Variants in DIP2C observed in about 807,000 individuals in gnomAD.
The protein encoded by DIP2C is DIP2 acetate--CoA ligase C (putative), also known as disco-interacting protein 2 homolog C.
A neutral mutation model predicts 192.4 loss-of-function variants in DIP2C; 33 were observed. The ratio of observed to expected loss-of-function variants is 0.17; its 90% CI spans 0.13 to 0.23. The LOEUF is 0.23. Among genes scored for constraint, DIP2C ranks in the 10% least tolerant of loss-of-function variants. DIP2C has a pLI of 1.00. For missense variants in DIP2C, 1,537 were observed against 2,110.1 expected (o/e 0.73, Z 5.32); for synonymous variants, 979 against 864.1 (o/e 1.13, Z -2.33).
intron 32 of DIP2C, among the ~76,000 whole-genome samples, chr10:290,232 G>A (rs1452928605): frequency 2.0e-5 from 3 of 152,210 alleles, no homozygotes. Context: ...AACAGCTGAT[G>A]AGGGCTGCCA....
At chr10:475,589 C>T (rs1970994292) in intron 2 of DIP2C, among the ~76,000 whole-genome samples, 1 of 152,164 alleles carries the variant, frequency 6.6e-6, no homozygotes. Flanking sequence ...GCTACTTTTG[C>T]ATACCATCCT....
chr10:585,888 C>T (rs1427997030), intron 1 of DIP2C, among the ~76,000 whole-genome samples: 2 of 152,150 alleles, frequency 1.3e-5, no homozygotes, highest in Non-Finnish European at 2.9e-5. Context: ...CATTTAATCA[C>T]CATATTAGAG....
At chr10:541,698 G>T (rs1194858985) in intron 1 of DIP2C, among the ~76,000 whole-genome samples, 1 of 126,092 alleles carries the variant, frequency 7.9e-6, no homozygotes, top group Non-Finnish European at 1.6e-5. Flanking sequence ...CCCTCCACCT[G>T]ACCACCCCCA....
Position 277,062 on chromosome 10 carries a change from GAA to G in DIP2C, c.*261_*262del, listed in dbSNP as rs1449618858. ...TAATTAAAAAAGAAAGAAAAGAAAAGAAAGTTTTGAAATGGGCTTTTCCAACA... is the reference window on the plus strand; with the variant it reads ...TAATTAAAAAAGAAAGAAAAGAAAAGAGTTTTGAAATGGGCTTTTCCAACA... On this transcript the variant is annotated 3_prime_UTR_variant, in exon 37 of 37. Transcript: ENST00000280886. 2.7e-5 allele frequency: 7 copies of G among 254,692 alleles called. No homozygotes were observed. The highest frequency in any genetic ancestry group is 4.4e-5 in the Non-Finnish European group (7 of 160,286). 15.8% of individuals were successfully genotyped at this position (254,692 alleles called of 1,614,324 possible). A position where few individuals can be genotyped will look rare whatever the true frequency, so the allele number is the denominator to read the frequency against.
chr10:391,219 G>A (rs767276510), intron 10 of DIP2C, among the ~76,000 whole-genome samples: 3 of 152,212 alleles, frequency 2.0e-5, no homozygotes, highest in African/African-American at 4.8e-5. Flanking sequence ...TGCAATTACT[G>A]TAGAGAATAG....
chr10:341,453 C>T (rs1168344660), intron 28 of DIP2C, 124 bp from the exon 29 acceptor site: 86 of 1,371,898 alleles, frequency 6.3e-5, no homozygotes, highest in Non-Finnish European at 7.2e-5. Flanking sequence ...CTCAGACACC[C>T]GGGACAATAC....
At chr10:465,878 G>A (rs948808201) in intron 3 of DIP2C, among the ~76,000 whole-genome samples, 11 of 151,494 alleles carry the variant, frequency 7.3e-5, no homozygotes, top group Non-Finnish European at 1.6e-4. Flanking sequence ...ACTGCTCAAG[G>A]AAATAAAAGA....
At chr10:614,370 C>A (rs1853301549) in intron 1 of DIP2C, among the ~76,000 whole-genome samples, 1 of 152,262 alleles carries the variant, frequency 6.6e-6, no homozygotes, top group African/African-American at 2.4e-5. Flanking sequence ...CCTGGACATG[C>A]ACCTCTTTGT....
At chr10:438,435 CAT>C (rs1967450373) in intron 4 of DIP2C, among the ~76,000 whole-genome samples, 2 of 152,128 alleles carry the variant, frequency 1.3e-5, no homozygotes, top group South Asian at 2.1e-4. Flanking sequence ...ATACAAATAA[CAT>C]TTTTTTACCA....
At chr10:649,954 T>C in intron 1 of DIP2C, 3 of 613,932 alleles carry the variant, frequency 4.9e-6, no homozygotes, top group East Asian at 2.7e-5. Context: ...CATTAACACA[T>C]CAAAACGGAA....
At chr10:334,876 C>T (rs1044407220) in intron 29 of DIP2C, among the ~76,000 whole-genome samples, 1 of 152,076 alleles carries the variant, frequency 6.6e-6, no homozygotes, top group African/African-American at 2.4e-5. Flanking sequence ...CTGAATTCTC[C>T]AATTTTGTTA....
intron 1 of DIP2C, among the ~76,000 whole-genome samples, chr10:646,703 C>G (rs1317659267): frequency 6.6e-6 from 1 of 152,082 alleles, no homozygotes. Flanking sequence ...ACTGAAAAAC[C>G]AAACACACAA....
At chr10:310,319 C>T (rs1441931520) in intron 31 of DIP2C, among the ~76,000 whole-genome samples, 4 of 152,210 alleles carry the variant, frequency 2.6e-5, no homozygotes, top group East Asian at 1.9e-4. Context: ...ACAGCTTGAC[C>T]GCCAATATAT....
intron 36 of DIP2C, among the ~76,000 whole-genome samples, 180 bp from the exon 37 acceptor site, chr10:277,757 C>T (rs984238843): frequency 1.3e-5 from 2 of 152,088 alleles, no homozygotes; most frequent in African/African-American, 2.4e-5. Context: ...GACTTCCTGG[C>T]GACAGCACCT....
intron 32 of DIP2C, 62 bp from the exon 33 acceptor site, chr10:288,483 A>C: frequency 6.4e-7 from 1 of 1,566,926 alleles, no homozygotes. Flanking sequence ...CCCTTCACCA[A>C]TTCACACGAG....
At chr10:576,317 C>T (rs1054091792) in intron 1 of DIP2C, among the ~76,000 whole-genome samples, 4 of 152,198 alleles carry the variant, frequency 2.6e-5, no homozygotes, top group African/African-American at 2.4e-5. Context: ...CTCGAGCACT[C>T]ACTGACTCTT....
chr10:538,913 G>C (rs1320071009), intron 1 of DIP2C, among the ~76,000 whole-genome samples: 1 of 152,190 alleles, frequency 6.6e-6, no homozygotes, highest in African/African-American at 2.4e-5. Context: ...CTGTGTTCAT[G>C]AATCTGCTAT....
chr10:378,255 T>G (rs906577025), intron 17 of DIP2C, among the ~76,000 whole-genome samples: 1 of 152,194 alleles, frequency 6.6e-6, no homozygotes, highest in African/African-American at 2.4e-5. Flanking sequence ...GAAAATACAG[T>G]TCACGTAGCA....
chr10:659,711 G>A (rs923416880), intron 1 of DIP2C, among the ~76,000 whole-genome samples: 4 of 152,286 alleles, frequency 2.6e-5, no homozygotes, highest in Admixed American at 6.5e-5. Context: ...CGTTCTTTTC[G>A]TTACCCCTGG....
Sources: gnomAD v4.1 joint callset for allele counts (sites outside exome capture counted in the v4.1 genomes callset) on GRCh38, gnomAD v4.1.1 for gene constraint, MANE v1.5 for transcripts, NCBI Gene and HGNC (gene_info 2026-07-23, HGNC 2026-07-21) for gene names.